The following HYDIN variants were observed in gnomAD, a reference collection of about 807,000 sequenced individuals.
HYDIN encodes the protein axonemal central pair apparatus protein HYDIN.
A neutral mutation model predicts 403.9 loss-of-function variants in HYDIN; 132 were observed. The observed-to-expected ratio is 0.33, with a 90% CI of 0.28 to 0.38. The LOEUF (loss-of-function observed/expected upper bound fraction) is 0.38. HYDIN is among the 10% of genes least tolerant of loss of function. The pLI is 1.00. For synonymous variants in HYDIN, 1,202 were observed against 1,891.7 expected (o/e 0.64, Z 9.46); for missense variants, 2,827 against 5,009.5 (o/e 0.56, Z 13.15).
At chr16:71,178,417 C>T (rs745748406) in intron 4 of HYDIN, among the ~76,000 whole-genome samples, 24 of 58,788 alleles carry the variant, frequency 4.1e-4, no homozygotes, top group Admixed American at 2.4e-3. Flanking sequence ...GAAACTCTGT[C>T]TCAAAAAAAA....
Position 71,022,310 on chromosome 16 carries a change from G to A in HYDIN, c.3187-1993C>T, listed in dbSNP as rs950240844. 7.2e-5 allele frequency among the ~76,000 whole-genome samples: 11 copies of A among 152,262 alleles called. No homozygotes were observed. In the South Asian group the frequency reaches 1.5e-3, roughly 20 times the overall value. On this transcript the variant is annotated intron_variant, in intron 21 of 85. Transcript: ENST00000393567. The stretch of plus-strand genomic sequence containing the variant: ...ATGACCCCTTCTCTTTGAGTTGTTC[G>A]TCTCTCCAAATATCAGCAGACAGAA...
chr16:71,003,135 C>T (rs1199993725), intron 23 of HYDIN, among the ~76,000 whole-genome samples: 1 of 152,028 alleles, frequency 6.6e-6, no homozygotes, highest in Non-Finnish European at 1.5e-5. Context: ...TTCCTTTATT[C>T]TATTTGCCTA....
chr16:70,979,294 T>C (rs997122667), intron 29 of HYDIN, among the ~76,000 whole-genome samples: 11 of 146,916 alleles, frequency 7.5e-5, no homozygotes, highest in Non-Finnish European at 1.6e-4. Flanking sequence ...TCTCCAGAAC[T>C]TGAAGTTAGT....
At chr16:71,172,517 A>AT (rs79208260) in intron 5 of HYDIN, among the ~76,000 whole-genome samples, 12,949 of 152,008 alleles carry the variant, frequency 0.085, 831 homozygotes, top group East Asian at 0.32. Flanking sequence ...ATATCCAATC[A>AT]TTTTTTTTAA....
chr16:70,872,315 C>G, intron 64 of HYDIN, 136 bp from the exon 65 acceptor site: 1 of 543,050 alleles, frequency 1.8e-6, no homozygotes, highest in East Asian at 3.3e-5. Context: ...CCTAGAATCT[C>G]TGAGTAACAA....
At chr16:70,896,111 A>C (rs1204512630) in intron 53 of HYDIN, 31 bp from the exon 54 acceptor site, 1 of 1,613,236 alleles carries the variant, frequency 6.2e-7, no homozygotes, top group East Asian at 2.2e-5. Context: ...CTTCAGTAAA[A>C]GCAAGACCTA....
chr16:71,199,849 G>A (rs972031915), intron 1 of HYDIN, among the ~76,000 whole-genome samples: 6 of 152,148 alleles, frequency 3.9e-5, no homozygotes, highest in Non-Finnish European at 5.9e-5. Flanking sequence ...TGTCAGAGGC[G>A]TGTGAACCAG....
chr16:71,001,892 C>A (rs60452138), intron 23 of HYDIN, among the ~76,000 whole-genome samples: 3 of 152,122 alleles, frequency 2.0e-5, no homozygotes, highest in Non-Finnish European at 4.4e-5. Flanking sequence ...TAATTTTGTC[C>A]AATCTGGTGG....
chr16:70,890,482 T>C (rs1279444486), intron 57 of HYDIN, among the ~76,000 whole-genome samples: 2 of 152,212 alleles, frequency 1.3e-5, no homozygotes, highest in Non-Finnish European at 2.9e-5. Flanking sequence ...AAAGAGACTT[T>C]ACACAATTCA....
intron 25 of HYDIN, among the ~76,000 whole-genome samples, chr16:70,989,891 C>T (rs2079289596): frequency 1.3e-5 from 2 of 152,114 alleles, no homozygotes. Flanking sequence ...AAAATTCCTG[C>T]CCTCATGAAG....
intron 70 of HYDIN, among the ~76,000 whole-genome samples, chr16:70,860,456 T>C (rs111950330): frequency 7.7e-4 from 108 of 139,486 alleles, no homozygotes; most frequent in Middle Eastern, 3.5e-3. Context: ...GTTAAGGAGG[T>C]GGTCAGGGAT....
At chr16:71,027,036 A>G (rs2080730990) in intron 20 of HYDIN, 1 of 680,456 alleles carries the variant, frequency 1.5e-6, no homozygotes. Context: ...AGAAACACTC[A>G]TGATTTGGAT....
chr16:70,843,022 A>AATTT (rs902268838), intron 75 of HYDIN, among the ~76,000 whole-genome samples: 8 of 151,400 alleles, frequency 5.3e-5, no homozygotes, highest in South Asian at 2.1e-4. Flanking sequence ...TTTTTACATA[A>AATTT]ATTTATTTAT....
At chr16:70,908,546 G>A in intron 48 of HYDIN, 107 bp downstream of exon 48, 2 of 1,517,448 alleles carry the variant, frequency 1.3e-6, no homozygotes, top group South Asian at 1.3e-5. Flanking sequence ...GTGGCCCCTG[G>A]AGCCCCACAG....
intron 7 of HYDIN, among the ~76,000 whole-genome samples, chr16:71,137,664 G>C (rs1329631257): frequency 6.6e-6 from 1 of 152,042 alleles, no homozygotes; most frequent in South Asian, 2.1e-4. Context: ...CTGACCAGGA[G>C]AGCAATCGAG....
intron 73 of HYDIN, chr16:70,852,816 C>A (rs2038744625): frequency 6.6e-6 from 1 of 152,160 alleles, no homozygotes; most frequent in Non-Finnish European, 1.5e-5. Flanking sequence ...CATTATTAGT[C>A]ATTAGGAAAA....
At position 70,970,730 on chromosome 16, in the gene HYDIN, C is replaced by G. The variant is rs780018043; in HGVS notation, c.5409G>C (p.Gln1803His). Residue 1803 changes from glutamine to histidine, a missense_variant, in exon 36 of 86, where the codon CAG (glutamine) becomes CAC (histidine). Gln to His is a conservative substitution (Grantham distance 24, BLOSUM62 0). Transcript: ENST00000393567. ...TAAGCTTTTGAGCACTCTGGGCAAT[C>G]TGAAACACCAGGGTTTGGCTGTAGA... ...EKFYSQTLVF[Q>H]IAQSAQKLTL... 2.6e-6 allele frequency: 4 copies of G among 1,552,614 alleles called. No individual in the cohort carries two copies. The highest frequency in any genetic ancestry group is 3.5e-6 in the Non-Finnish European group (4 of 1,150,668).
intron 9 of HYDIN, among the ~76,000 whole-genome samples, chr16:71,128,228 T>C (rs1597838813): frequency 1.3e-5 from 2 of 152,162 alleles, no homozygotes; most frequent in East Asian, 1.9e-4. Context: ...CCCAGAAAAC[T>C]GTGTCCCAGA....
At chr16:71,031,024 C>A (rs2080887369) in intron 19 of HYDIN, among the ~76,000 whole-genome samples, 6 of 150,712 alleles carry the variant, frequency 4.0e-5, no homozygotes, top group Middle Eastern at 3.4e-3. Flanking sequence ...CACGGTGAAA[C>A]CCCGTCTCTA....
Sources: allele counts gnomAD v4.1 joint callset (sites outside exome capture counted in the v4.1 genomes callset), GRCh38; gene constraint gnomAD v4.1.1; transcripts MANE v1.5; gene names NCBI Gene and HGNC (gene_info 2026-07-23, HGNC 2026-07-21).